The following LRRC1 variants were observed in gnomAD, a reference collection of about 807,000 sequenced individuals.
The protein encoded by LRRC1 is leucine-rich repeat-containing protein 1.
In LRRC1, 28 loss-of-function variants were observed where a neutral mutation model predicts 69.9. The ratio of observed to expected loss-of-function variants is 0.40; its 90% CI spans 0.30 to 0.55. The LOEUF (loss-of-function observed/expected upper bound fraction) is 0.55, where lower values mean the gene tolerates loss of function less well. Among genes scored for constraint, LRRC1 ranks in the 20% least tolerant of loss-of-function variants. The probability of loss-of-function intolerance (pLI) is 0.47; values close to 1 mark genes in which losing one functional copy is unlikely to be tolerated. For missense variants in LRRC1, 498 were observed against 609.0 expected (o/e 0.82, Z 1.92); for synonymous variants, 236 against 240.2 (o/e 0.98, Z 0.16).
intron 2 of LRRC1, among the ~76,000 whole-genome samples, chr6:53,859,098 G>A (rs969108684): frequency 3.3e-5 from 5 of 152,062 alleles, no homozygotes; most frequent in African/African-American, 4.8e-5. Flanking sequence ...GACAAAACAC[G>A]GTCATATCCC....
intron 6 of LRRC1, 114 bp downstream of exon 6, chr6:53,897,006 G>A: frequency 1.4e-6 from 1 of 714,460 alleles, no homozygotes; most frequent in Non-Finnish European, 2.4e-6. Context: ...GATGTAACTT[G>A]GGGACACTAG....
At chr6:53,855,735 G>A (rs184008338) in intron 2 of LRRC1, among the ~76,000 whole-genome samples, 2 of 152,260 alleles carry the variant, frequency 1.3e-5, no homozygotes, top group Admixed American at 1.3e-4. Flanking sequence ...ACAATCACAG[G>A]GAGCACCTTT....
chr6:53,921,468 A>C (rs1035850300), intron 13 of LRRC1, among the ~76,000 whole-genome samples: 1 of 152,166 alleles, frequency 6.6e-6, no homozygotes, highest in African/African-American at 2.4e-5. Flanking sequence ...TCTTCATGTA[A>C]CCAGCTCACC....
At chr6:53,900,020 GTT>G (rs869246243) in intron 8 of LRRC1, 129 bp downstream of exon 8, 44,890 of 190,026 alleles carry the variant, frequency 0.24, 5,867 homozygotes, top group Non-Finnish European at 0.27. Flanking sequence ...TCTCCTTACT[GTT>G]TTTTTTTTTT....
At chr6:53,899,670 G>GA in intron 7 of LRRC1, 77 bp from the exon 8 acceptor site, 1 of 1,446,974 alleles carries the variant, frequency 6.9e-7, no homozygotes, top group Non-Finnish European at 9.4e-7. Flanking sequence ...ATTTAATTGT[G>GA]AAAAATCACT....
intron 2 of LRRC1, among the ~76,000 whole-genome samples, chr6:53,872,672 C>A (rs1006606126): frequency 3.3e-5 from 5 of 150,342 alleles, no homozygotes; most frequent in African/African-American, 1.2e-4. Context: ...TGAAGAATAT[C>A]AGTGGTATTT....
At chr6:53,899,621 G>T in intron 7 of LRRC1, 126 bp from the exon 8 acceptor site, 1 of 851,178 alleles carries the variant, frequency 1.2e-6, no homozygotes, top group Non-Finnish European at 1.8e-6. Context: ...TTCACATTTG[G>T]ATTCATGCTA....
chr6:53,896,557 G>A lies in LRRC1; in HGVS notation c.503+3G>A, dbSNP rs1239236609. Reference sequence around the variant, plus strand: ...AATCTTCTTACATATCTTCCTGAGTGAGTCTTTGGGGAAAATAAGAGGAGA... The same window carrying A: ...AATCTTCTTACATATCTTCCTGAGTAAGTCTTTGGGGAAAATAAGAGGAGA... On this transcript the variant is annotated splice_donor_region_variant and intron_variant, in intron 5 of 13. Coordinates refer to ENST00000370888, the MANE Select transcript of LRRC1 (RefSeq NM_018214.5). 9.9e-6 allele frequency: 16 copies of A among 1,609,422 alleles called. No individual in the cohort carries two copies. The highest frequency in any genetic ancestry group is 1.4e-5 in the Non-Finnish European group (16 of 1,175,980).
chr6:53,878,983 A>C lies in LRRC1; in HGVS notation c.278-10A>C, dbSNP rs1428819509. ...GTGGCAAATTATAGACATTTTCTCTACTCCTGCAGAGATTCCTGAAATTCC... is the reference window on the plus strand; with the variant it reads ...GTGGCAAATTATAGACATTTTCTCTCCTCCTGCAGAGATTCCTGAAATTCC... On this transcript the variant is annotated splice_polypyrimidine_tract_variant and intron_variant, in intron 2 of 13. Coordinates refer to ENST00000370888, the MANE Select transcript of LRRC1 (RefSeq NM_018214.5). 2 of 1,578,488 alleles carry C rather than the reference A, an allele frequency of 1.3e-6. No homozygotes were observed. The highest frequency in any genetic ancestry group is 2.2e-5 in the East Asian group (1 of 44,596).
chr6:53,872,347 G>A (rs918633016), intron 2 of LRRC1, among the ~76,000 whole-genome samples: 3 of 152,056 alleles, frequency 2.0e-5, no homozygotes, highest in African/African-American at 7.2e-5. Flanking sequence ...TGAGATTTTG[G>A]TTCAACCATC....
At chr6:53,907,535 A>G (rs1368413091) in intron 10 of LRRC1, among the ~76,000 whole-genome samples, 2 of 152,166 alleles carry the variant, frequency 1.3e-5, no homozygotes, top group Admixed American at 6.5e-5. Flanking sequence ...TTGCAAATCA[A>G]TGAATGTCTT....
intron 3 of LRRC1, among the ~76,000 whole-genome samples, chr6:53,882,230 C>T (rs1767315414): frequency 6.6e-6 from 1 of 152,152 alleles, no homozygotes; most frequent in Non-Finnish European, 1.5e-5. Flanking sequence ...TGCCTGTAAT[C>T]CCAGCTACTC....
At chr6:53,887,678 A>C (rs943345913) in intron 4 of LRRC1, among the ~76,000 whole-genome samples, 1 of 152,174 alleles carries the variant, frequency 6.6e-6, no homozygotes, top group Non-Finnish European at 1.5e-5. Flanking sequence ...TCTTTACTGC[A>C]TGCTTCTCAT....
At chr6:53,916,014 G>GGA (rs1491016831) in intron 11 of LRRC1, among the ~76,000 whole-genome samples, 2 of 152,116 alleles carry the variant, frequency 1.3e-5, no homozygotes, top group Non-Finnish European at 1.5e-5. Flanking sequence ...CCTACACTGT[G>GGA]AGTTTCTAGA....
chr6:53,911,650 A>T (rs1431708069), intron 10 of LRRC1, among the ~76,000 whole-genome samples: 1 of 152,212 alleles, frequency 6.6e-6, no homozygotes, highest in East Asian at 1.9e-4. Flanking sequence ...GCTCTCCTTC[A>T]GGGCATGCAG....
intron 2 of LRRC1, among the ~76,000 whole-genome samples, chr6:53,846,638 T>C (rs1242279396): frequency 6.6e-6 from 1 of 152,230 alleles, no homozygotes; most frequent in Non-Finnish European, 1.5e-5. Context: ...AAAAAAAAAC[T>C]AGGTGTTTCC....
chr6:53,885,924 C>A (rs914426914), intron 4 of LRRC1, among the ~76,000 whole-genome samples: 4 of 152,104 alleles, frequency 2.6e-5, no homozygotes, highest in African/African-American at 9.7e-5. Context: ...TTTTACTACT[C>A]TACTCTGCCA....
chr6:53,892,013 C>T (rs12183218), intron 4 of LRRC1, among the ~76,000 whole-genome samples: 12,708 of 65,276 alleles, frequency 0.19, 580 homozygotes, highest in Middle Eastern at 0.25. Context: ...TATATATATA[C>T]ACACACACAC....
At chr6:53,855,528 C>T (rs564689303) in intron 2 of LRRC1, among the ~76,000 whole-genome samples, 1 of 152,286 alleles carries the variant, frequency 6.6e-6, no homozygotes, top group Non-Finnish European at 1.5e-5. Flanking sequence ...ACGAAGTTGG[C>T]ACAGCAGCAA....
Sources: allele counts gnomAD v4.1 joint callset (sites outside exome capture counted in the v4.1 genomes callset), GRCh38; gene constraint gnomAD v4.1.1; transcripts MANE v1.5; gene names NCBI Gene and HGNC (gene_info 2026-07-23, HGNC 2026-07-21).